Variants in RNF126 observed in about 807,000 individuals in gnomAD.
RNF126 encodes the protein E3 ubiquitin-protein ligase RNF126.
In RNF126, 20 loss-of-function variants were observed where a neutral mutation model predicts 41.9. That is an observed-to-expected ratio of 0.48 (90% confidence interval 0.34 to 0.69). The LOEUF (loss-of-function observed/expected upper bound fraction) is 0.69. Among genes scored for constraint, RNF126 ranks in the 30% least tolerant of loss-of-function variants. The pLI, the probability that RNF126 is intolerant of heterozygous loss-of-function variation, is 0.01. For missense variants in RNF126, 433 were observed against 460.6 expected (o/e 0.94, Z 0.55); for synonymous variants, 239 against 202.9 (o/e 1.18, Z -1.51).
At chr19:651,070 C>T (rs2030252657) in intron 4 of RNF126, among the ~76,000 whole-genome samples, 1 of 152,174 alleles carries the variant, frequency 6.6e-6, no homozygotes, top group African/African-American at 2.4e-5. Flanking sequence ...GCAGGTGAGA[C>T]ACACAACCAT....
In RNF126 at chr19:652,738, GC is replaced by G. The variant is rs878860052; in HGVS notation, c.134+87del. 370 of 1,245,572 alleles carry G rather than the reference GC, an allele frequency of 3.0e-4. 4 individuals carry two copies. The South Asian group carries it at 4.0e-3, about 14-fold the overall frequency. The allele number at this position is 1,245,572 out of a possible 1,614,324, so 77.2% of individuals were successfully genotyped here. A position where few individuals can be genotyped will look rare whatever the true frequency, so the allele number is the denominator to read the frequency against. ...CCAGGGCCTGACGGCCCCACACTCG[GC>G]GGGGCGGACGCCAGCACAGCCCACA... On this transcript the variant is annotated intron_variant, in intron 2 of 8. Transcript: ENST00000292363.
At chr19:649,064 C>T in intron 6 of RNF126, 89 bp from the exon 7 acceptor site, 1 of 615,234 alleles carries the variant, frequency 1.6e-6, no homozygotes, top group Non-Finnish European at 2.5e-6. Context: ...TGCAAAAGCA[C>T]CGAGGCCGCG....
At chr19:656,749 C>T (rs1013331133) in intron 1 of RNF126, among the ~76,000 whole-genome samples, 6 of 152,202 alleles carry the variant, frequency 3.9e-5, no homozygotes, top group African/African-American at 9.7e-5. Flanking sequence ...CCACAGTGGC[C>T]GTGACAACTC....
intron 3 of RNF126, 144 bp downstream of exon 3, chr19:652,089 A>G (rs1225384700): frequency 3.9e-6 from 3 of 767,320 alleles, no homozygotes; most frequent in Non-Finnish European, 5.9e-6. Context: ...GGCCGCCCCA[A>G]TCCCTGGCCC....
intron 1 of RNF126, among the ~76,000 whole-genome samples, chr19:655,795 G>A (rs1277637010): frequency 2.0e-5 from 3 of 152,140 alleles, no homozygotes; most frequent in Non-Finnish European, 2.9e-5. Context: ...CATCGTCGTC[G>A]GCAGATGCAA....
rs571934670 is a variant in RNF126 at position 654,044 on chromosome 19, G to A, written c.76-1160C>T. On this transcript the variant is annotated intron_variant, in intron 1 of 8. Transcript: ENST00000292363. Reference sequence around the variant, plus strand: ...GGACCTCTCCAGCAAGCAAGATCCCGGCCTCACCCACTGACTCTGGGGAGA... The same window carrying A: ...GGACCTCTCCAGCAAGCAAGATCCCAGCCTCACCCACTGACTCTGGGGAGA... Among the ~76,000 whole-genome samples, 37 of 152,334 alleles carry A rather than the reference G, an allele frequency of 2.4e-4. No individual in the cohort carries two copies. In the South Asian group the frequency reaches 6.0e-3, roughly 25 times the overall value.
chr19:659,439 G>C lies in RNF126; in HGVS notation c.75+3608C>G, dbSNP rs939981234. 6.6e-6 allele frequency among the ~76,000 whole-genome samples: 1 copy of C among 152,166 alleles called. No individual in the cohort carries two copies. Among genetic ancestry groups the C allele is most frequent in the Non-Finnish European group, 1.5e-5 (1 of 68,018 alleles). On this transcript the variant is annotated intron_variant, in intron 1 of 8. Transcript: ENST00000292363. This position sits in a 1 kb window ranked among gnomAD's most constrained non-coding sequence, Gnocchi z 4.9. ...GCCACTTGGGGACACTGCGGAGGTT[G>C]CAGGCGTTCGGGGGTGGGGGGTCGG...
intron 4 of RNF126, chr19:650,513 G>T: frequency 2.3e-6 from 1 of 428,520 alleles, no homozygotes. Flanking sequence ...AACCTGCTGG[G>T]CTTAAGCGAT....
intron 4 of RNF126, among the ~76,000 whole-genome samples, chr19:651,138 C>G (rs2030258547): frequency 6.7e-6 from 1 of 148,654 alleles, no homozygotes; most frequent in African/African-American, 2.5e-5. Context: ...CTCTGTTCCA[C>G]CAGGAGCAGG....
At chr19:657,265 C>A (rs578069491) in intron 1 of RNF126, among the ~76,000 whole-genome samples, 2 of 152,252 alleles carry the variant, frequency 1.3e-5, no homozygotes, top group African/African-American at 2.4e-5. Context: ...CCTGGCACAG[C>A]GCTCGGCCGC....
At chr19:658,436 A>C (rs1387217631) in intron 1 of RNF126, among the ~76,000 whole-genome samples, 2 of 152,078 alleles carry the variant, frequency 1.3e-5, no homozygotes, top group Non-Finnish European at 2.9e-5. Context: ...GAAGCTGTGC[A>C]CATCAGGAGA....
rs771017508 is a variant in RNF126 at position 651,757 on chromosome 19, C to T, written c.297G>A (p.Gly99=). The change falls in exon 4 of 9, where the codon GGG becomes GGA. Residue 99 remains glycine, a synonymous_variant. Transcript: ENST00000292363. ...GGTCCCTGCCGTCGTCAGCCTGCGC[C>T]CCAGGAGGGAACGTGGGGATCTCGA... The part of the protein sequence containing the change: ...DSFEIPTFPP[G]AQADDGRDPE... The T allele has an allele frequency of 3.0e-5, 48 of 1,612,580 alleles. No homozygotes were observed. The highest frequency in any genetic ancestry group is 1.6e-4 in the Middle Eastern group (1 of 6,084).
Position 651,769 on chromosome 19 carries a change from C to A in RNF126, c.285G>T (p.Thr95=). ...GIFDDSFEIP[T]FPPGAQADDG... is the part of the protein sequence containing the mutation. ...CGTCAGCCTGCGCCCCAGGAGGGAACGTGGGGATCTCGAAGCTGTCATCGA... is the reference window on the plus strand; with the variant it reads ...CGTCAGCCTGCGCCCCAGGAGGGAAAGTGGGGATCTCGAAGCTGTCATCGA... The change falls in exon 4 of 9, where the codon ACG becomes ACT. Residue 95 remains threonine, a synonymous_variant. Coordinates refer to ENST00000292363, the MANE Select transcript of RNF126 (RefSeq NM_194460.3). The A allele has an allele frequency of 6.2e-7, 1 of 1,612,750 alleles. No individual in the cohort carries two copies. The highest frequency in any genetic ancestry group is 8.5e-7 in the Non-Finnish European group (1 of 1,179,852).
At chr19:656,786 G>A (rs1286840859) in intron 1 of RNF126, among the ~76,000 whole-genome samples, 1 of 152,200 alleles carries the variant, frequency 6.6e-6, no homozygotes, top group Admixed American at 6.5e-5. Flanking sequence ...CTTGGGGTGT[G>A]TTTGGGGTGT....
chr19:651,345 G>C (rs1269370381), intron 4 of RNF126: 3 of 351,416 alleles, frequency 8.5e-6, no homozygotes, highest in Non-Finnish European at 1.5e-5. Flanking sequence ...CGACACGCGT[G>C]TGGACAGCAG....
Position 652,826 on chromosome 19 carries a change from C to G in RNF126, c.134G>C (p.Arg45Thr). The G allele has an allele frequency of 6.2e-7, 1 of 1,612,896 alleles. No homozygotes were observed. The highest frequency in any genetic ancestry group is 8.5e-7 in the Non-Finnish European group (1 of 1,179,568). ...CCTCTTCAACAGGGGGCTGCATTAC[C>G]TGGTCTCTTCCGGAAGCTCCTCGAT... is the stretch of plus-strand genomic sequence containing the variant. ...GFIEELPEET[R>T]STENGSAPST... is the part of the protein sequence containing the mutation. Residue 45 changes from arginine (R) to threonine (T), a missense_variant and splice_region_variant, in exon 2 of 9, where the codon AGG becomes ACG. Coordinates refer to ENST00000292363, the MANE Select transcript of RNF126 (RefSeq NM_194460.3).
Position 647,803 on chromosome 19 carries a change from C to T in RNF126, c.*325G>A, listed in dbSNP as rs1397680954. ...TCTTCCGCCACAAACCATGCATGGC[C>T]GCCACGTGAGCTCAAACGTCCGTTT... is the stretch of plus-strand genomic sequence containing the variant. On this transcript the variant is annotated 3_prime_UTR_variant, in exon 9 of 9. Transcript: ENST00000292363. 16 of 418,150 alleles carry T rather than the reference C, an allele frequency of 3.8e-5. No individual in the cohort carries two copies. Among genetic ancestry groups the T allele is most frequent in the Non-Finnish European group, 5.9e-5 (13 of 220,914 alleles). The allele number at this position is 418,150 out of a possible 1,614,324, so 25.9% of individuals were successfully genotyped here.
chr19:648,480 C>G lies in RNF126; in HGVS notation c.678G>C (p.Gly226=). ...VPVTEEHVGS[G]LECPVCKDDY... ...CGTCCTTGCACACAGGGCACTCGAG[C>G]CCGGAGCCTGCGGGAGTGTGCAGCT... is the stretch of plus-strand genomic sequence containing the variant. The change falls in exon 8 of 9, where the codon GGG becomes GGC. Residue 226 remains glycine, a synonymous_variant. Coordinates refer to ENST00000292363, the MANE Select transcript of RNF126 (RefSeq NM_194460.3). 6.4e-7 allele frequency: 1 copy of G among 1,573,564 alleles called. No homozygotes were observed. The highest frequency in any genetic ancestry group is 8.6e-7 in the Non-Finnish European group (1 of 1,163,770).
intron 4 of RNF126, chr19:650,584 C>CTTTTTTTTTTTTTTTT (rs34495183): frequency 1.4e-5 from 1 of 72,214 alleles, no homozygotes; most frequent in Non-Finnish European, 2.4e-5. Context: ...CTCTCGGCTA[C>CTTTTTTTTTTTTTTTT]TTTTTTTTTT....
Sources: gnomAD v4.1 joint callset for allele counts (sites outside exome capture counted in the v4.1 genomes callset) on GRCh38, gnomAD v4.1.1 for gene constraint, Gnocchi (gnomAD v3.1) non-coding constraint, MANE v1.5 for transcripts, NCBI Gene and HGNC (gene_info 2026-07-23, HGNC 2026-07-21) for gene names.